TENM4: variants seen among roughly 807,000 people sequenced by gnomAD.
TENM4 encodes the protein teneurin transmembrane protein 4.
A neutral mutation model predicts 243.3 loss-of-function variants in TENM4; 82 were observed. The observed-to-expected ratio is 0.34, with a 90% CI of 0.28 to 0.40. TENM4 has a LOEUF of 0.40. Ranked by LOEUF, TENM4 falls within the 10% of genes least tolerant of loss-of-function variation. The pLI, the probability that TENM4 is intolerant of heterozygous loss-of-function variation, is 1.00. For missense variants in TENM4, 3,138 were observed against 3,673.3 expected (o/e 0.85, Z 3.77); for synonymous variants, 1,412 against 1,456.3 (o/e 0.97, Z 0.69).
At chr11:79,346,695 A>T (rs191285104) in intron 1 of TENM4, among the ~76,000 whole-genome samples, 66 of 152,294 alleles carry the variant, frequency 4.3e-4, no homozygotes, top group Non-Finnish European at 7.2e-4. Flanking sequence ...AATTCTAAAA[A>T]TCCGCTTCAC....
At chr11:79,162,466 A>ATTATTTAT (rs148237396) in intron 3 of TENM4, among the ~76,000 whole-genome samples, 12,985 of 150,984 alleles carry the variant, frequency 0.086, 963 homozygotes, top group East Asian at 0.32. Flanking sequence ...ATTTGCTGTT[A>ATTATTTAT]TTATTTATTT....
intron 1 of TENM4, among the ~76,000 whole-genome samples, chr11:79,370,986 A>G (rs1406910880): frequency 6.6e-6 from 1 of 152,170 alleles, no homozygotes; most frequent in Non-Finnish European, 1.5e-5. Context: ...AAATGGACAA[A>G]GGATGTGGAG....
intron 2 of TENM4, among the ~76,000 whole-genome samples, chr11:79,245,906 C>T (rs1261301955): frequency 7.3e-6 from 1 of 136,636 alleles, no homozygotes; most frequent in South Asian, 2.5e-4. Flanking sequence ...TGCCACTGCA[C>T]TCCAGCCTGA....
intron 3 of TENM4, among the ~76,000 whole-genome samples, chr11:79,201,962 T>C (rs1863747271): frequency 6.6e-6 from 1 of 152,094 alleles, no homozygotes; most frequent in African/African-American, 2.4e-5. Context: ...TTGAGAGATA[T>C]GCAGGATAGG....
chr11:79,364,866 TTTCTC>T (rs1857649705), intron 1 of TENM4, among the ~76,000 whole-genome samples: 1 of 152,228 alleles, frequency 6.6e-6, no homozygotes. Flanking sequence ...GTAAATCTCT[TTTCTC>T]AAGTGCATTT....
chr11:79,146,515 C>T (rs1298085166), intron 4 of TENM4, among the ~76,000 whole-genome samples: 3 of 152,132 alleles, frequency 2.0e-5, no homozygotes, highest in African/African-American at 4.8e-5. Flanking sequence ...CTAGAGGGTA[C>T]GTTTTCCTAC....
chr11:79,251,630 A>G (rs568505665), intron 2 of TENM4, among the ~76,000 whole-genome samples: 1 of 152,318 alleles, frequency 6.6e-6, no homozygotes, highest in East Asian at 1.9e-4. Flanking sequence ...GAAATCACCC[A>G]AGAAAACACT....
At chr11:79,310,901 A>AG (rs1339051596) in intron 1 of TENM4, among the ~76,000 whole-genome samples, 1 of 152,244 alleles carries the variant, frequency 6.6e-6, no homozygotes, top group Non-Finnish European at 1.5e-5. Flanking sequence ...CTAAGTGGGT[A>AG]GGAGAGGGTT....
intron 1 of TENM4, among the ~76,000 whole-genome samples, chr11:79,355,490 G>A (rs1021694536): frequency 5.0e-5 from 6 of 120,756 alleles, no homozygotes; most frequent in South Asian, 2.7e-4. Context: ...CCGAGATCAC[G>A]CCACTACACT....
intron 6 of TENM4, among the ~76,000 whole-genome samples, chr11:78,914,736 C>T (rs974677669): frequency 7.9e-5 from 12 of 152,214 alleles, no homozygotes; most frequent in African/African-American, 2.7e-4. Context: ...GCCACTGTGT[C>T]TTCCTTCTTT....
At chr11:78,856,395 C>T (rs1373689879) in intron 10 of TENM4, among the ~76,000 whole-genome samples, 2 of 152,034 alleles carry the variant, frequency 1.3e-5, no homozygotes, top group African/African-American at 4.8e-5. Context: ...AATTATTCTG[C>T]TAAAAATATG....
At chr11:78,704,034 T>TATACACAC (rs1325650258) in intron 27 of TENM4, among the ~76,000 whole-genome samples, 1 of 138,222 alleles carries the variant, frequency 7.2e-6, no homozygotes, top group African/African-American at 2.8e-5. Flanking sequence ...CATATATATA[T>TATACACAC]ACACACACAC....
Position 79,380,672 on chromosome 11 carries a change from C to G in TENM4, c.-321+59837G>C, listed in dbSNP as rs147718440. On this transcript the variant is annotated intron_variant, in intron 1 of 33. Transcript: ENST00000278550. ...ACCTCCAAGAAGGAGGGGAATTTCCCAAATGTGTTTAATCACAGAACGCTT... is the reference window on the plus strand; with the variant it reads ...ACCTCCAAGAAGGAGGGGAATTTCCGAAATGTGTTTAATCACAGAACGCTT... Among the ~76,000 whole-genome samples the G allele has an allele frequency of 1.5e-4, 23 of 152,286 alleles. No individual in the cohort carries two copies. The East Asian group carries it at 4.4e-3, about 29-fold the overall frequency.
intron 6 of TENM4, among the ~76,000 whole-genome samples, chr11:78,906,830 T>A (rs1856073909): frequency 6.6e-6 from 1 of 152,220 alleles, no homozygotes; most frequent in Non-Finnish European, 1.5e-5. Flanking sequence ...TTCTCTTCTC[T>A]GTGCTGGGTG....
At chr11:79,395,701 C>T (rs757138856) in intron 1 of TENM4, among the ~76,000 whole-genome samples, 1 of 152,186 alleles carries the variant, frequency 6.6e-6, no homozygotes, top group Non-Finnish European at 1.5e-5. Flanking sequence ...TGGACATTTA[C>T]TGCCCACTCC....
At chr11:78,693,513 G>A (rs911686798) in intron 28 of TENM4, among the ~76,000 whole-genome samples, 2 of 152,174 alleles carry the variant, frequency 1.3e-5, no homozygotes, top group Non-Finnish European at 2.9e-5. Flanking sequence ...CCAAGTCTCA[G>A]GTGGGTCAAG....
At chr11:78,858,360 T>A (rs1213899048) in intron 10 of TENM4, among the ~76,000 whole-genome samples, 1 of 151,964 alleles carries the variant, frequency 6.6e-6, no homozygotes, top group Non-Finnish European at 1.5e-5. Flanking sequence ...CTTGAGTGTG[T>A]ATATGCTGAA....
At chr11:78,894,048 T>C (rs1402214702) in intron 7 of TENM4, among the ~76,000 whole-genome samples, 1 of 152,210 alleles carries the variant, frequency 6.6e-6, no homozygotes, top group Non-Finnish European at 1.5e-5. Flanking sequence ...TCAATAAATA[T>C]GTGCTGAATA....
chr11:78,974,864 T>C (rs1275292661), intron 6 of TENM4, among the ~76,000 whole-genome samples: 1 of 151,930 alleles, frequency 6.6e-6, no homozygotes, highest in South Asian at 2.1e-4. Flanking sequence ...TTTATATTTT[T>C]AGTAGAGACT....
Sources: allele counts gnomAD v4.1 joint callset (sites outside exome capture counted in the v4.1 genomes callset), GRCh38; gene constraint gnomAD v4.1.1; transcripts MANE v1.5; gene names NCBI Gene and HGNC (gene_info 2026-07-23, HGNC 2026-07-21).